COL4A2: variants seen among roughly 807,000 people sequenced by gnomAD.
COL4A2 encodes collagen type IV alpha 2 chain.
COL4A2 carries 99 observed loss-of-function variants against 200.2 expected under a neutral mutation model. That is an observed-to-expected ratio of 0.49 (90% CI 0.42 to 0.58). COL4A2 has a LOEUF of 0.58. COL4A2 is among the 20% of genes least tolerant of loss of function. The pLI, the probability that COL4A2 is intolerant of heterozygous loss-of-function variation, is 0.00. For missense variants in COL4A2, 1,950 were observed against 2,314.1 expected (o/e 0.84, Z 3.23); for synonymous variants, 897 against 900.6 (o/e 1.00, Z 0.07).
At chr13:110,463,555 G>C (rs1438885370) in intron 24 of COL4A2, among the ~76,000 whole-genome samples, 1 of 152,078 alleles carries the variant, frequency 6.6e-6, no homozygotes, top group Admixed American at 6.6e-5. Context: ...TAGTTTTAAC[G>C]TGGGTCATGT....
At position 110,438,005 on chromosome 13, in the gene COL4A2, G is replaced by GA; in HGVS notation, c.834dup (p.Gly279ArgfsTer3). ...TTATTTTTCATATTCTTCACAGGGT[G>GA]AAAAAGGCAGTGAGGGGGAACCAGG... On this transcript the variant is annotated frameshift_variant, in exon 14 of 48. Transcript: ENST00000360467. LOFTEE classifies it high-confidence loss of function. 6.2e-7 allele frequency: 1 copy of GA among 1,612,818 alleles called. No homozygotes were observed. Among genetic ancestry groups the GA allele is most frequent in the Non-Finnish European group, 8.5e-7 (1 of 1,179,048 alleles).
intron 13 of COL4A2, among the ~76,000 whole-genome samples, chr13:110,436,829 T>C (rs957416256): frequency 6.6e-6 from 1 of 152,190 alleles, no homozygotes; most frequent in African/African-American, 2.4e-5. Flanking sequence ...TTTTGCTTAA[T>C]TGAAATCATG....
chr13:110,484,753 G>T, intron 32 of COL4A2, 152 bp from the exon 33 acceptor site: 2 of 1,148,152 alleles, frequency 1.7e-6, no homozygotes. Context: ...GATGGACACA[G>T]GAGAGGCTTC....
At chr13:110,360,454 C>T (rs776762112) in intron 4 of COL4A2, among the ~76,000 whole-genome samples, 1 of 152,166 alleles carries the variant, frequency 6.6e-6, no homozygotes, top group Non-Finnish European at 1.5e-5. Flanking sequence ...TACTGTTACA[C>T]GATGCCAGAG....
At chr13:110,428,276 GCTTAGAACGATAC>G (rs1880541805) in intron 6 of COL4A2, among the ~76,000 whole-genome samples, 178 bp from the exon 7 acceptor site, 1 of 152,186 alleles carries the variant, frequency 6.6e-6, no homozygotes, top group African/African-American at 2.4e-5. Context: ...TCTTTTCCCT[GCTTAGAACGATAC>G]CTTATGCCTT....
chr13:110,421,303 C>T (rs1235796030), intron 4 of COL4A2, among the ~76,000 whole-genome samples: 1 of 152,218 alleles, frequency 6.6e-6, no homozygotes, highest in African/African-American at 2.4e-5. Flanking sequence ...CACTCACACA[C>T]ACATATTCAC....
At chr13:110,477,257 A>G (rs939812805) in intron 29 of COL4A2, among the ~76,000 whole-genome samples, 2 of 152,202 alleles carry the variant, frequency 1.3e-5, no homozygotes, top group African/African-American at 4.8e-5. Context: ...TAACCAGGAG[A>G]AAGAAACGTA....
chr13:110,406,976 C>T (rs1879596736), intron 4 of COL4A2, among the ~76,000 whole-genome samples: 2 of 152,284 alleles, frequency 1.3e-5, no homozygotes, highest in East Asian at 3.9e-4. Context: ...GCTCCTGGGG[C>T]TCATCCTGCA....
At chr13:110,352,127 G>T (rs913525412) in intron 3 of COL4A2, among the ~76,000 whole-genome samples, 4 of 152,204 alleles carry the variant, frequency 2.6e-5, no homozygotes, top group Admixed American at 2.6e-4. Flanking sequence ...GATGATGATG[G>T]CATGAAGGTG....
chr13:110,359,117 A>C (rs1877410911), intron 4 of COL4A2, among the ~76,000 whole-genome samples: 1 of 152,350 alleles, frequency 6.6e-6, no homozygotes, highest in Middle Eastern at 3.4e-3. Context: ...CACTTTGAAA[A>C]TATTTACTCC....
At chr13:110,413,684 C>T (rs1265877976) in intron 4 of COL4A2, among the ~76,000 whole-genome samples, 1 of 152,216 alleles carries the variant, frequency 6.6e-6, no homozygotes, top group Non-Finnish European at 1.5e-5. Flanking sequence ...GGCGGGGTGG[C>T]TCGCAGAGCC....
intron 3 of COL4A2, among the ~76,000 whole-genome samples, chr13:110,320,255 G>A (rs1328116193): frequency 1.3e-5 from 2 of 152,178 alleles, no homozygotes; most frequent in Admixed American, 6.5e-5. Context: ...GGTCACCTCC[G>A]GGCACTGGGT....
Position 110,431,441 on chromosome 13 carries a change from T to C in COL4A2, c.648+834T>C, listed in dbSNP as rs1014775926. On this transcript the variant is annotated intron_variant, in intron 10 of 47. Coordinates refer to ENST00000360467, the MANE Select transcript of COL4A2 (RefSeq NM_001846.4). ...CTCTTCAGATTATAATAAATGACAA[T>C]AATAATAATAGATTTTGTTTCTACA... Among the ~76,000 whole-genome samples, 3 of 152,184 alleles carry C rather than the reference T, an allele frequency of 2.0e-5. No individual in the cohort carries two copies. The South Asian group carries it at 6.2e-4, about 32-fold the overall frequency.
chr13:110,327,223 C>T (rs1342132364), intron 3 of COL4A2, among the ~76,000 whole-genome samples: 1 of 152,218 alleles, frequency 6.6e-6, no homozygotes, highest in East Asian at 1.9e-4. Flanking sequence ...TCCCAGGGGG[C>T]CCCCACCCAT....
intron 4 of COL4A2, among the ~76,000 whole-genome samples, chr13:110,366,119 C>G (rs1877735517): frequency 6.6e-6 from 1 of 152,234 alleles, no homozygotes; most frequent in Non-Finnish European, 1.5e-5. Flanking sequence ...TTCCCCCTCT[C>G]TGCTAGAGGA....
In COL4A2 at chr13:110,506,425, C is replaced by G. The variant is rs1413799138; in HGVS notation, c.4413C>G (p.Gly1471=). ...QGPIGQEGAP[G]RPGSPGLPGM... is the part of the protein sequence containing the mutation. Reference sequence around the variant, plus strand: ...TTTCTCGGGCTGCAGGTGCACCAGGCCGTCCAGGGAGCCCGGGCCTGCCGG... The same window carrying G: ...TTTCTCGGGCTGCAGGTGCACCAGGGCGTCCAGGGAGCCCGGGCCTGCCGG... Residue 1471 remains glycine, a synonymous_variant, in exon 46 of 48, where the codon GGC becomes GGG. Coordinates refer to ENST00000360467, the MANE Select transcript of COL4A2 (RefSeq NM_001846.4). 6.2e-7 allele frequency: 1 copy of G among 1,610,196 alleles called. No homozygotes were observed. Among genetic ancestry groups the G allele is most frequent in the Non-Finnish European group, 8.5e-7 (1 of 1,178,878 alleles).
chr13:110,393,652 A>T (rs183026893), intron 4 of COL4A2, among the ~76,000 whole-genome samples: 1 of 151,956 alleles, frequency 6.6e-6, no homozygotes, highest in Non-Finnish European at 1.5e-5. Context: ...GCCAAGGTGG[A>T]TGGATCACTT....
At chr13:110,390,100 A>T (rs929271572) in intron 4 of COL4A2, among the ~76,000 whole-genome samples, 2 of 152,208 alleles carry the variant, frequency 1.3e-5, no homozygotes, top group East Asian at 3.8e-4. Flanking sequence ...AAAAGCATGT[A>T]TTGAGCCTGC....
At chr13:110,455,011 C>G (rs891207041) in intron 20 of COL4A2, among the ~76,000 whole-genome samples, 1 of 152,140 alleles carries the variant, frequency 6.6e-6, no homozygotes, top group African/African-American at 2.4e-5. Context: ...CCTACCTCAC[C>G]CATTCTGTAC....
Sources: gnomAD v4.1 joint callset for allele counts (sites outside exome capture counted in the v4.1 genomes callset) on GRCh38, gnomAD v4.1.1 for gene constraint, MANE v1.5 for transcripts, NCBI Gene and HGNC (gene_info 2026-07-23, HGNC 2026-07-21) for gene names.